GALNT9: variants seen among roughly 807,000 people sequenced by gnomAD.
GALNT9 encodes the protein polypeptide N-acetylgalactosaminyltransferase 9.
GALNT9 carries 47 observed loss-of-function variants against 63.1 expected under a neutral mutation model. The ratio of observed to expected loss-of-function variants is 0.75; its 90% CI spans 0.59 to 0.95. GALNT9 has a LOEUF of 0.95. GALNT9 is among the 40% of genes least tolerant of loss of function. GALNT9 has a pLI of 0.00. For missense variants in GALNT9, 829 were observed against 874.8 expected, an observed-to-expected ratio of 0.95 and a Z score of 0.66; for synonymous variants, 396 against 365.7, an observed-to-expected ratio of 1.08 and a Z score of -0.94.
At chr12:132,199,414 G>GCCGC in intron 8 of GALNT9, 145 bp from the exon 9 acceptor site, 1 of 622,858 alleles carries the variant, frequency 1.6e-6, no homozygotes, top group Admixed American at 2.7e-5. Flanking sequence ...GGCCGGGTGG[G>GCCGC]CTGCCTGGGA....
chr12:132,197,534 G>C (rs1196504632), intron 10 of GALNT9, among the ~76,000 whole-genome samples: 1 of 152,200 alleles, frequency 6.6e-6, no homozygotes, highest in Non-Finnish European at 1.5e-5. Flanking sequence ...CCTGAGGCTG[G>C]AAGAGGCAGA....
intron 5 of GALNT9, among the ~76,000 whole-genome samples, chr12:132,248,562 G>A (rs376885470): frequency 1.1e-4 from 17 of 152,308 alleles, no homozygotes; most frequent in African/African-American, 2.4e-4. Flanking sequence ...TCACTTGCCC[G>A]CCTCCCCCAT....
rs1555246566 is a variant in GALNT9, at chr12:132,327,122, A to G, written c.238+1844T>C. ...GCAAAGACAGAGGCAGACAGATGGCAGGGGCCGTTCGGAGAAAGGCTGACA... is the reference window on the plus strand; with the variant it reads ...GCAAAGACAGAGGCAGACAGATGGCGGGGGCCGTTCGGAGAAAGGCTGACA... On this transcript the variant is annotated intron_variant, in intron 1 of 10. Coordinates refer to ENST00000328957, the MANE Select transcript of GALNT9 (RefSeq NM_001122636.2). The surrounding 1 kb of genome is among the most constrained non-coding windows in gnomAD (Gnocchi z 4.3). Among the ~76,000 whole-genome samples the G allele has an allele frequency of 2.0e-5, 3 of 152,178 alleles. No individual in the cohort carries two copies. Among genetic ancestry groups the G allele is most frequent in the African/African-American group, 7.2e-5 (3 of 41,460 alleles).
intron 1 of GALNT9, among the ~76,000 whole-genome samples, chr12:132,301,501 G>A (rs141897311): frequency 0.013 from 1,974 of 152,386 alleles, 18 homozygotes; most frequent in Non-Finnish European, 0.019. Flanking sequence ...AAGGGTCCCT[G>A]TCCATGGGGC....
At position 132,206,992 on chromosome 12, in the gene GALNT9, G is replaced by C. The variant is rs186573807; in HGVS notation, c.1078-3302C>G. On this transcript the variant is annotated intron_variant, in intron 6 of 10. Coordinates refer to ENST00000328957, the MANE Select transcript of GALNT9 (RefSeq NM_001122636.2). The stretch of plus-strand genomic sequence containing the variant: ...AGGCGGGAGGATCACCTGAGCCCGG[G>C]AGGTTGAGGCTGCAGTGAGCCAAGA... 6.1e-3 allele frequency among the ~76,000 whole-genome samples: 926 copies of C among 152,332 alleles called. 5 individuals are homozygous for C. The highest frequency in any genetic ancestry group is 8.4e-3 in the Non-Finnish European group (570 of 68,034).
intron 5 of GALNT9, among the ~76,000 whole-genome samples, chr12:132,255,373 G>A (rs1449615684): frequency 7.2e-5 from 11 of 152,156 alleles, no homozygotes; most frequent in African/African-American, 2.7e-4. Context: ...GTGTCTTGTG[G>A]GGGAACTCAA....
intron 5 of GALNT9, among the ~76,000 whole-genome samples, chr12:132,255,178 G>A (rs1025144681): frequency 2.6e-5 from 4 of 152,130 alleles, no homozygotes; most frequent in South Asian, 2.1e-4. Flanking sequence ...GTTTGGACAA[G>A]CCCCTTAGAC....
At chr12:132,302,228 C>CACA (rs1566018472) in intron 1 of GALNT9, among the ~76,000 whole-genome samples, 22 of 60,528 alleles carry the variant, frequency 3.6e-4, no homozygotes, top group Non-Finnish European at 5.4e-4. Flanking sequence ...GTAGAAAATT[C>CACA]TACACACACA....
At chr12:132,208,613 C>T (rs1400676004) in intron 6 of GALNT9, among the ~76,000 whole-genome samples, 1 of 152,170 alleles carries the variant, frequency 6.6e-6, no homozygotes, top group Non-Finnish European at 1.5e-5. Flanking sequence ...AGAAGCCGCC[C>T]AGCTGAGCCC....
intron 5 of GALNT9, among the ~76,000 whole-genome samples, chr12:132,248,427 T>G (rs1199016779): frequency 6.6e-6 from 1 of 152,172 alleles, no homozygotes; most frequent in East Asian, 1.9e-4. Flanking sequence ...GAGCTGGTAT[T>G]GCACCACTAC....
intron 1 of GALNT9, among the ~76,000 whole-genome samples, chr12:132,328,366 C>G (rs1284333855): frequency 6.6e-6 from 1 of 152,208 alleles, no homozygotes; most frequent in Non-Finnish European, 1.5e-5. Flanking sequence ...CAACTCCATC[C>G]TCCCAGGAGT....
chr12:132,228,244 C>T (rs1384324493), intron 6 of GALNT9, among the ~76,000 whole-genome samples: 6 of 151,976 alleles, frequency 3.9e-5, no homozygotes, highest in East Asian at 3.9e-4. Context: ...CCCTCCCCGG[C>T]GTCCCTCTGA....
intron 1 of GALNT9, among the ~76,000 whole-genome samples, chr12:132,314,190 A>C: frequency 8.6e-6 from 1 of 116,684 alleles, no homozygotes; most frequent in Non-Finnish European, 1.7e-5. Context: ...CCATTTATCC[A>C]TCCACCCACC....
chr12:132,225,957 GCACACCCCACACACTGTA>G (rs1158906230), intron 6 of GALNT9, among the ~76,000 whole-genome samples: 18 of 65,054 alleles, frequency 2.8e-4, no homozygotes, highest in South Asian at 1.7e-3. Flanking sequence ...CACCCCATAT[GCACACCCCACACACTGTA>G]CACACCCCAC....
chr12:132,271,116 C>G (rs989282123), intron 2 of GALNT9, among the ~76,000 whole-genome samples: 2 of 152,218 alleles, frequency 1.3e-5, no homozygotes, highest in Non-Finnish European at 2.9e-5. Flanking sequence ...GTCCCCCATG[C>G]GCCCTTCAGT....
rs1555238680 is a variant in GALNT9, at chr12:132,252,577, C to T, written c.960-4550G>A. The stretch of plus-strand genomic sequence containing the variant: ...CAGCTGGGCCTGGGGGGAACCACTG[C>T]CATCAAGACACGGAGACCTGGCTGG... On this transcript the variant is annotated intron_variant, in intron 5 of 10. Coordinates refer to ENST00000328957, the MANE Select transcript of GALNT9 (RefSeq NM_001122636.2). The surrounding 1 kb of genome is among the most constrained non-coding windows in gnomAD (Gnocchi z 5.2). 6.6e-6 allele frequency among the ~76,000 whole-genome samples: 1 copy of T among 152,124 alleles called. No homozygotes were observed. The highest frequency in any genetic ancestry group is 2.4e-5 in the African/African-American group (1 of 41,426).
chr12:132,208,924 T>G (rs1283008832), intron 6 of GALNT9, among the ~76,000 whole-genome samples: 1 of 152,180 alleles, frequency 6.6e-6, no homozygotes, highest in Non-Finnish European at 1.5e-5. Context: ...GCATCCCCAC[T>G]GCCCAAGACA....
intron 1 of GALNT9, among the ~76,000 whole-genome samples, chr12:132,325,135 G>A (rs1228269122): frequency 6.6e-5 from 10 of 152,238 alleles, no homozygotes; most frequent in African/African-American, 2.4e-4. Context: ...TGGGGGACAG[G>A]GCAGGCCTTG....
At chr12:132,257,490 TCGTCCTCA>T in intron 5 of GALNT9, among the ~76,000 whole-genome samples, 191 bp downstream of exon 5, 10 of 41,296 alleles carry the variant, frequency 2.4e-4, no homozygotes, top group Non-Finnish European at 5.1e-4. Flanking sequence ...TCCCCGGCCC[TCGTCCTCA>T]TGCCCTCATC....
Sources: gnomAD v4.1 joint callset for allele counts (sites outside exome capture counted in the v4.1 genomes callset) on GRCh38, gnomAD v4.1.1 for gene constraint, Gnocchi (gnomAD v3.1) non-coding constraint, MANE v1.5 for transcripts, NCBI Gene and HGNC (gene_info 2026-07-23, HGNC 2026-07-21) for gene names.